The following D2HGDH variants were observed in gnomAD, a reference collection of about 807,000 sequenced individuals.
The protein encoded by D2HGDH is D-2-hydroxyglutarate dehydrogenase, mitochondrial.
In D2HGDH, 31 loss-of-function variants were observed where a neutral mutation model predicts 46.9. The ratio of observed to expected loss-of-function variants is 0.66; its 90% CI spans 0.50 to 0.89. The LOEUF is 0.89. Ranked by LOEUF, D2HGDH falls within the 40% of genes least tolerant of loss-of-function variation. The pLI, the probability that D2HGDH is intolerant of heterozygous loss-of-function variation, is 0.00. For synonymous variants in D2HGDH, 364 were observed against 332.6 expected (o/e 1.09, Z -1.03); for missense variants, 698 against 720.8 (o/e 0.97, Z 0.36).
intron 9 of D2HGDH, among the ~76,000 whole-genome samples, chr2:241,760,721 A>G (rs947712556): frequency 6.6e-6 from 1 of 151,836 alleles, no homozygotes; most frequent in Non-Finnish European, 1.5e-5. Flanking sequence ...GTCGAAGGCC[A>G]CAAGAGCAGA....
chr2:241,764,980 G>A (rs1217274106), intron 9 of D2HGDH, among the ~76,000 whole-genome samples: 2 of 152,198 alleles, frequency 1.3e-5, no homozygotes, highest in Non-Finnish European at 2.9e-5. Context: ...GGTGTGCTTG[G>A]AGAGCTGCTG....
Position 241,744,856 on chromosome 2 carries a change from G to A in D2HGDH, c.832G>A (p.Ala278Thr), listed in dbSNP as rs148920052. 21 of 1,614,020 alleles carry A rather than the reference G, an allele frequency of 1.3e-5. No homozygotes were observed. The African/African-American group carries it at 2.8e-4, about 22-fold the overall frequency. Reference sequence around the variant, plus strand: ...CATCTTGTGTCCACCCAAGCCCAGGGCTGTGAACGTGGCTTTCCTCGGTGG... The same window carrying A: ...CATCTTGTGTCCACCCAAGCCCAGGACTGTGAACGTGGCTTTCCTCGGTGG... ...VSILCPPKPR[A>T]VNVAFLGCPG... is the part of the protein sequence containing the mutation. The change falls in exon 6 of 10, where the codon GCT becomes ACT. Residue 278 changes from alanine to threonine, a missense_variant. By Grantham distance (58) the Ala-to-Thr change is moderately conservative. Transcript: ENST00000321264.
chr2:241,756,997 CATCT>C (rs1164717560), intron 9 of D2HGDH, among the ~76,000 whole-genome samples: 1 of 152,188 alleles, frequency 6.6e-6, no homozygotes, highest in African/African-American at 2.4e-5. Flanking sequence ...AGCCTCCATC[CATCT>C]GCCAGTAAAT....
At position 241,744,852 on chromosome 2, in the gene D2HGDH, C is replaced by G; in HGVS notation, c.828C>G (p.Pro276=). ...TTVSILCPPK[P]RAVNVAFLGC... is the part of the protein sequence containing the mutation. ...TGTCCATCTTGTGTCCACCCAAGCC[C>G]AGGGCTGTGAACGTGGCTTTCCTCG... Residue 276 remains proline (P), a synonymous_variant, in exon 6 of 10, where the codon CCC becomes CCG. Transcript: ENST00000321264. 6.2e-7 allele frequency: 1 copy of G among 1,614,166 alleles called. No individual in the cohort carries two copies. Among genetic ancestry groups the G allele is most frequent in the Non-Finnish European group, 8.5e-7 (1 of 1,180,022 alleles).
chr2:241,768,738 T>C lies in D2HGDH; in HGVS notation c.*769T>C, dbSNP rs1433131634. ...CTCGTCAGCTGCCCTGGGCAGCGGA[T>C]GGGCTGGGCGATGCAGCTGGATGCA... On this transcript the variant is annotated 3_prime_UTR_variant, in exon 10 of 10. Transcript: ENST00000321264. 6.6e-6 allele frequency: 1 copy of C among 152,232 alleles called. No individual in the cohort carries two copies. The highest frequency in any genetic ancestry group is 1.5e-5 in the Non-Finnish European group (1 of 68,062). The allele number at this position is 152,232 out of a possible 1,614,324, so 9.4% of individuals were successfully genotyped here.
At chr2:241,740,528 T>G (rs922779616) in intron 2 of D2HGDH, among the ~76,000 whole-genome samples, 1 of 152,226 alleles carries the variant, frequency 6.6e-6, no homozygotes, top group Non-Finnish European at 1.5e-5. Flanking sequence ...GACCTAGTTT[T>G]GGTTTTTTTG....
At position 241,768,003 on chromosome 2, in the gene D2HGDH, G is replaced by A; in HGVS notation, c.*34G>A. 6.4e-7 allele frequency: 1 copy of A among 1,555,636 alleles called. No homozygotes were observed. Among genetic ancestry groups the A allele is most frequent in the Non-Finnish European group, 8.6e-7 (1 of 1,156,514 alleles). On this transcript the variant is annotated 3_prime_UTR_variant, in exon 10 of 10. Transcript: ENST00000321264. Reference sequence around the variant, plus strand: ...CCTGCTGCTGCCAAGGCCCACTGGGGGTCGGCGGGTGGCTCTCGGGCGGGG... The same window carrying A: ...CCTGCTGCTGCCAAGGCCCACTGGGAGTCGGCGGGTGGCTCTCGGGCGGGG...
At chr2:241,744,984 G>A (rs1695487273) in intron 6 of D2HGDH, 107 bp downstream of exon 6, 1 of 1,315,712 alleles carries the variant, frequency 7.6e-7, no homozygotes, top group Non-Finnish European at 1.1e-6. Flanking sequence ...CCCCCGCCAA[G>A]GACAGTCGGT....
At chr2:241,748,224 G>A (rs921217676) in intron 6 of D2HGDH, among the ~76,000 whole-genome samples, 1 of 152,092 alleles carries the variant, frequency 6.6e-6, no homozygotes, top group Non-Finnish European at 1.5e-5. Flanking sequence ...TGGTTCAAGC[G>A]ATTCTCCTGC....
At chr2:241,763,889 C>T (rs1699050446) in intron 9 of D2HGDH, among the ~76,000 whole-genome samples, 1 of 151,484 alleles carries the variant, frequency 6.6e-6, no homozygotes, top group Non-Finnish European at 1.5e-5. Context: ...GCCGTTTCTA[C>T]AAAAAAAATA....
At chr2:241,748,854 T>C in intron 6 of D2HGDH, 1 of 1,277,764 alleles carries the variant, frequency 7.8e-7, no homozygotes, top group East Asian at 6.3e-5. Flanking sequence ...CTGATCCCAC[T>C]CCAACTGCAG....
Position 241,768,301 on chromosome 2 carries a change from T to C in D2HGDH, c.*332T>C, listed in dbSNP as rs1575353764. ...TGGCCCCTGGCCCCATCTTGCCTGCTGCGGCCTGGGGAGCAGGCGCTGGGT... is the reference window on the plus strand; with the variant it reads ...TGGCCCCTGGCCCCATCTTGCCTGCCGCGGCCTGGGGAGCAGGCGCTGGGT... On this transcript the variant is annotated 3_prime_UTR_variant, in exon 10 of 10. Coordinates refer to ENST00000321264, the MANE Select transcript of D2HGDH (RefSeq NM_152783.5). The C allele has an allele frequency of 6.4e-6, 2 of 312,144 alleles. No individual in the cohort carries two copies. The highest frequency in any genetic ancestry group is 1.2e-5 in the Non-Finnish European group (2 of 166,894). The allele number at this position is 312,144 out of a possible 1,614,324, so 19.3% of individuals were successfully genotyped here.
chr2:241,761,391 T>A (rs944197164), intron 9 of D2HGDH, among the ~76,000 whole-genome samples: 2 of 151,946 alleles, frequency 1.3e-5, no homozygotes, highest in East Asian at 3.9e-4. Flanking sequence ...ATACAAAAAT[T>A]AGCCAGGCAT....
chr2:241,751,749 CT>C (rs1697241773), intron 8 of D2HGDH, among the ~76,000 whole-genome samples: 1 of 152,116 alleles, frequency 6.6e-6, no homozygotes. Context: ...GGAGGAGCCC[CT>C]GGGGCTGTGG....
In D2HGDH at chr2:241,742,378, G is replaced by A. The variant is rs1026733003; in HGVS notation, c.351-57G>A. Reference sequence around the variant, plus strand: ...CACTGGTCCTGCGGCGTGTCCTTGGGGATGGTGGCGTAGGGGTGGGGACAG... The same window carrying A: ...CACTGGTCCTGCGGCGTGTCCTTGGAGATGGTGGCGTAGGGGTGGGGACAG... On this transcript the variant is annotated intron_variant, in intron 3 of 9. Transcript: ENST00000321264. This position sits in a 1 kb window ranked among gnomAD's most constrained non-coding sequence, Gnocchi z 4.8. 10 of 1,547,932 alleles carry A rather than the reference G, an allele frequency of 6.5e-6. No individual in the cohort carries two copies. Among genetic ancestry groups the A allele is most frequent in the Non-Finnish European group, 7.9e-6 (9 of 1,142,558 alleles).
intron 9 of D2HGDH, among the ~76,000 whole-genome samples, chr2:241,760,728 C>T (rs1394646708): frequency 6.6e-6 from 1 of 152,280 alleles, no homozygotes; most frequent in Admixed American, 6.5e-5. Context: ...GCCACAAGAG[C>T]AGAAATCTAA....
At chr2:241,762,530 G>T (rs760427139) in intron 9 of D2HGDH, among the ~76,000 whole-genome samples, 1 of 152,272 alleles carries the variant, frequency 6.6e-6, no homozygotes, top group Middle Eastern at 3.4e-3. Flanking sequence ...TTGGGGTCTT[G>T]CTGGCTTTAG....
intron 6 of D2HGDH, among the ~76,000 whole-genome samples, chr2:241,748,032 G>A (rs562970269): frequency 1.3e-5 from 2 of 152,304 alleles, no homozygotes; most frequent in Non-Finnish European, 2.9e-5. Context: ...ACCTGCTAGC[G>A]GGGCAAGGGC....
At chr2:241,750,107 G>C in intron 6 of D2HGDH, 44 bp from the exon 7 acceptor site, 1 of 1,613,230 alleles carries the variant, frequency 6.2e-7, no homozygotes, top group Non-Finnish European at 8.5e-7. Context: ...GGGTGGGCTG[G>C]GTTTAGCTCC....
Sources: gnomAD v4.1 joint callset for allele counts (sites outside exome capture counted in the v4.1 genomes callset) on GRCh38, gnomAD v4.1.1 for gene constraint, Gnocchi (gnomAD v3.1) non-coding constraint, MANE v1.5 for transcripts, NCBI Gene and HGNC (gene_info 2026-07-23, HGNC 2026-07-21) for gene names.